HTT: variants seen among roughly 807,000 people sequenced by gnomAD.
HTT encodes the protein huntingtin.
HTT carries 104 observed loss-of-function variants against 362.3 expected under a neutral mutation model. The ratio of observed to expected loss-of-function variants is 0.29; its 90% CI spans 0.24 to 0.34. HTT has a LOEUF of 0.34. HTT is among the 10% of genes least tolerant of loss of function. The pLI is 1.00. For missense variants in HTT, 3,301 were observed against 3,928.6 expected, an observed-to-expected ratio of 0.84 and a Z score of 4.27; for synonymous variants, 1,577 against 1,548.7, an observed-to-expected ratio of 1.02 and a Z score of -0.43.
rs1721747399 is a variant in HTT, at chr4:3,240,256, G to A, written c.*197G>A. The A allele has an allele frequency of 3.3e-6, 2 of 607,296 alleles. No individual in the cohort carries two copies. The highest frequency in any genetic ancestry group is 2.9e-6 in the Non-Finnish European group (1 of 342,614). 37.6% of individuals were successfully genotyped at this position (607,296 alleles called of 1,614,324 possible). A position where few individuals can be genotyped will look rare whatever the true frequency, so the allele number is the denominator to read the frequency against. On this transcript the variant is annotated 3_prime_UTR_variant, in exon 67 of 67. Coordinates refer to ENST00000355072, the MANE Select transcript of HTT (RefSeq NM_001388492.1). ...GGCAGTGGCCAGGCAGGGAGTGTCTGCAGTCCTGGTGGGGCTGAGCCTGAG... is the reference window on the plus strand; with the variant it reads ...GGCAGTGGCCAGGCAGGGAGTGTCTACAGTCCTGGTGGGGCTGAGCCTGAG...
rs1718896383 is a variant in HTT at position 3,188,997 on chromosome 4, A to G, written c.5272A>G (p.Lys1758Glu). 1.2e-6 allele frequency: 2 copies of G among 1,614,064 alleles called. No individual in the cohort carries two copies. Among genetic ancestry groups the G allele is most frequent in the African/African-American group, 1.3e-5 (1 of 74,938 alleles). ...TATTCTTTTAGAAGACATTGTTACA[A>G]AACAGCTGAAGGTGGAAATGAGTGA... ...VGILLEDIVTKQLKVEMSEQQ... is the reference protein window; with the variant it reads ...VGILLEDIVTEQLKVEMSEQQ... The change falls in exon 40 of 67, where the codon AAA becomes GAA. Residue 1758 changes from lysine (K) to glutamate (E), a missense_variant. This residue lies in a region of HTT where 2,316 missense variants were observed against 2,658.5 expected (regional missense o/e 0.87). Transcript: ENST00000355072.
At chr4:3,149,227 A>G (rs1716758665) in intron 26 of HTT, among the ~76,000 whole-genome samples, 2 of 152,316 alleles carry the variant, frequency 1.3e-5, no homozygotes, top group Non-Finnish European at 2.9e-5. Context: ...CTGTGAAGCA[A>G]TAAAATCAAC....
chr4:3,235,163 G>A (rs1191226480), intron 61 of HTT, 121 bp from the exon 62 acceptor site: 15 of 709,380 alleles, frequency 2.1e-5, no homozygotes, highest in Non-Finnish European at 3.7e-5. Context: ...CTCAGGGTAG[G>A]CGCTCCCGGG....
In HTT at chr4:3,132,707, T is replaced by C; in HGVS notation, c.2382T>C (p.Ile794=). Residue 794 remains isoleucine (I), a synonymous_variant, in exon 17 of 67, where the codon ATT becomes ATC. Coordinates refer to ENST00000355072, the MANE Select transcript of HTT (RefSeq NM_001388492.1). ...ACGTGGGAGATTGGATGGGCACCAT[T>C]AGAACCCTCACAGGTAACGGCCAGT... The part of the protein sequence containing the change: ...RFHVGDWMGT[I]RTLTGNTFSL... 1 of 1,614,224 alleles carries C rather than the reference T, an allele frequency of 6.2e-7. No homozygotes were observed. Among genetic ancestry groups the C allele is most frequent in the Non-Finnish European group, 8.5e-7 (1 of 1,180,018 alleles).
chr4:3,095,368 A>C (rs1578493586), intron 2 of HTT, among the ~76,000 whole-genome samples: 2 of 152,234 alleles, frequency 1.3e-5, no homozygotes, highest in Non-Finnish European at 2.9e-5. Context: ...CCACCAAAAA[A>C]CACGAAAACC....
intron 21 of HTT, among the ~76,000 whole-genome samples, chr4:3,138,990 A>G (rs1239955872): frequency 6.6e-6 from 1 of 152,262 alleles, no homozygotes; most frequent in Non-Finnish European, 1.5e-5. Context: ...GAAAATATAA[A>G]AAAACGAAAT....
rs111746070 is a variant in HTT at position 3,232,873 on chromosome 4, G to A, written c.8266-290G>A. On this transcript the variant is annotated intron_variant, in intron 60 of 66. Transcript: ENST00000355072. Reference sequence around the variant, plus strand: ...CACATGGGCACCCTCTGCCTGCCTCGTGCCCAGACTCTGGACTCCCGGAGG... The same window carrying A: ...CACATGGGCACCCTCTGCCTGCCTCATGCCCAGACTCTGGACTCCCGGAGG... Among the ~76,000 whole-genome samples the A allele has an allele frequency of 2.9e-4, 44 of 152,312 alleles. 1 individual carries two copies. The highest frequency in any genetic ancestry group is 5.8e-4 in the East Asian group (3 of 5,168).
intron 4 of HTT, 150 bp from the exon 5 acceptor site, chr4:3,105,207 C>A: frequency 1.6e-6 from 1 of 612,086 alleles, no homozygotes; most frequent in South Asian, 2.0e-5. Flanking sequence ...GCCCACTAGA[C>A]CTTAAAGTAG....
At position 3,225,696 on chromosome 4, in the gene HTT, A is replaced by T. The variant is rs1376529257; in HGVS notation, c.7801A>T (p.Ile2601Phe). 1 of 1,614,102 alleles carries T rather than the reference A, an allele frequency of 6.2e-7. No individual in the cohort carries two copies. The highest frequency in any genetic ancestry group is 8.5e-7 in the Non-Finnish European group (1 of 1,180,012). Residue 2601 changes from isoleucine to phenylalanine, a missense_variant, in exon 57 of 67, where the codon ATC becomes TTC. Ile to Phe is a conservative substitution (Grantham distance 21). This residue lies in a region of HTT where 753 missense variants were observed against 1,021.3 expected (regional missense o/e 0.74). Transcript: ENST00000355072. The part of the protein sequence containing the change: ...LISHEKLLLQ[I>F]NPERELGSMS... ...CAGCCACGAGAAGCTGCTGCTACAG[A>T]TCAACCCCGAGCGGGAGCTGGGGAG... is the stretch of plus-strand genomic sequence containing the variant.
chr4:3,210,610 G>A (rs111824039), intron 47 of HTT, among the ~76,000 whole-genome samples: 1 of 71,770 alleles, frequency 1.4e-5, no homozygotes, highest in Non-Finnish European at 3.2e-5. Flanking sequence ...TGTGAGCAGT[G>A]GGGGGGCCAC....
intron 44 of HTT, 84 bp from the exon 45 acceptor site, chr4:3,207,197 A>G (rs1236250194): frequency 8.2e-7 from 1 of 1,222,114 alleles, no homozygotes; most frequent in Non-Finnish European, 1.2e-6. Context: ...AACTGTACAC[A>G]TCAGTTCATC....
chr4:3,200,028 G>A (rs1266783068), intron 41 of HTT, 89 bp downstream of exon 41: 2 of 1,088,284 alleles, frequency 1.8e-6, no homozygotes, highest in Non-Finnish European at 2.6e-6. Context: ...CACCGTTAAA[G>A]CATTTTCATT....
At position 3,086,981 on chromosome 4, in the gene HTT, TTGTC is replaced by T. The variant is rs777339658; in HGVS notation, c.309_312del (p.Cys103Ter). ...CTACCAAGAAAGACCGTGTGAATCA[TTGTC>T]TGACAATATGTGAAAACATAGTGGC... is the stretch of plus-strand genomic sequence containing the variant. On this transcript the variant is annotated frameshift_variant, in exon 2 of 67. Coordinates refer to ENST00000355072, the MANE Select transcript of HTT (RefSeq NM_001388492.1). LOFTEE classifies it high-confidence loss of function. The T allele has an allele frequency of 6.2e-7, 1 of 1,608,772 alleles. No individual in the cohort carries two copies. The highest frequency in any genetic ancestry group is 1.7e-5 in the Admixed American group (1 of 59,986).
At chr4:3,117,437 C>T (rs1232989277) in intron 8 of HTT, among the ~76,000 whole-genome samples, 1 of 151,980 alleles carries the variant, frequency 6.6e-6, no homozygotes, top group Non-Finnish European at 1.5e-5. Flanking sequence ...TCCTACTTCT[C>T]CCTTTTTTTA....
At chr4:3,173,223 G>A (rs1718074909) in intron 31 of HTT, 92 bp downstream of exon 31, 1 of 961,464 alleles carries the variant, frequency 1.0e-6, no homozygotes, top group East Asian at 2.4e-5. Flanking sequence ...AAAAATGTTA[G>A]CGAACATCTT....
At chr4:3,215,411 T>A (rs543317170) in intron 51 of HTT, among the ~76,000 whole-genome samples, 200 bp downstream of exon 51, 1 of 152,110 alleles carries the variant, frequency 6.6e-6, no homozygotes, top group African/African-American at 2.4e-5. Flanking sequence ...GAACACCTTA[T>A]CCGTACACAT....
intron 26 of HTT, among the ~76,000 whole-genome samples, chr4:3,151,054 C>CAA (rs763028911): frequency 1.5e-5 from 2 of 134,374 alleles, no homozygotes; most frequent in Admixed American, 7.6e-5. Flanking sequence ...CAAAACAAAA[C>CAA]AAAAAAAAAA....
intron 42 of HTT, among the ~76,000 whole-genome samples, chr4:3,205,774 G>C (rs1358735249): frequency 6.6e-6 from 1 of 152,068 alleles, no homozygotes; most frequent in Non-Finnish European, 1.5e-5. Context: ...TTTCAGATAA[G>C]GGTTATTCAA....
intron 50 of HTT, among the ~76,000 whole-genome samples, chr4:3,214,549 G>A (rs986630942): frequency 6.6e-6 from 1 of 152,154 alleles, no homozygotes; most frequent in Non-Finnish European, 1.5e-5. Context: ...TTAACGTACT[G>A]TAAAATAAAA....
Sources: allele counts gnomAD v4.1 joint callset (sites outside exome capture counted in the v4.1 genomes callset), GRCh38; gene constraint gnomAD v4.1.1; regional missense constraint gnomAD v4.1.1; transcripts MANE v1.5; gene names NCBI Gene and HGNC (gene_info 2026-07-23, HGNC 2026-07-21).